DDX21: variants seen among roughly 807,000 people sequenced by gnomAD.
The protein encoded by DDX21 is nucleolar RNA helicase 2.
In DDX21, 18 loss-of-function variants were observed where a neutral mutation model predicts 90.0. The observed-to-expected ratio is 0.20, with a 90% CI of 0.14 to 0.30. The LOEUF is 0.30. DDX21 is among the 10% of genes least tolerant of loss of function. The pLI, the probability that DDX21 is intolerant of heterozygous loss-of-function variation, is 1.00. For missense variants in DDX21, 673 were observed against 944.5 expected, an observed-to-expected ratio of 0.71 and a Z score of 3.77; for synonymous variants, 294 against 318.0, an observed-to-expected ratio of 0.92 and a Z score of 0.80.
chr10:68,956,199 G>A lies in DDX21; in HGVS notation c.-27G>A, dbSNP rs756218251. On this transcript the variant is annotated 5_prime_UTR_variant, in exon 1 of 15. Coordinates refer to ENST00000354185, the MANE Select transcript of DDX21 (RefSeq NM_004728.4). ...TCCTCTCCACGCGGTTGAGAAGACC[G>A]GTCGGCCTGGGCAACCTGCGCTGAA... 3 of 1,612,090 alleles carry A rather than the reference G, an allele frequency of 1.9e-6. No homozygotes were observed. Among genetic ancestry groups the A allele is most frequent in the Non-Finnish European group, 2.5e-6 (3 of 1,178,804 alleles).
rs780232916 is a variant in DDX21 at position 68,969,044 on chromosome 10, A to C, written c.1159A>C (p.Lys387Gln). 1 of 1,614,140 alleles carries C rather than the reference A, an allele frequency of 6.2e-7. No individual in the cohort carries two copies. The highest frequency in any genetic ancestry group is 2.2e-5 in the East Asian group (1 of 44,874). ...TCPHWVFNVA[K>Q]KYMKSTYEQV... Reference sequence around the variant, plus strand: ...CCCTCATTGGGTATTTAATGTTGCCAAGAAATACATGAAATCTACATATGA... The same window carrying C: ...CCCTCATTGGGTATTTAATGTTGCCCAGAAATACATGAAATCTACATATGA... The change falls in exon 7 of 15, where the codon AAG becomes CAG. Residue 387 changes from lysine to glutamine, a missense_variant. Lys to Gln is a moderately conservative substitution (Grantham distance 53). This residue lies in a region of DDX21 where 218 missense variants were observed against 347.3 expected (regional missense o/e 0.63). Transcript: ENST00000354185.
intron 8 of DDX21, among the ~76,000 whole-genome samples, chr10:68,970,955 ATTTTTTTTTTTT>A (rs56314802): frequency 1.7e-4 from 12 of 72,554 alleles, no homozygotes; most frequent in South Asian, 6.1e-4. Flanking sequence ...GCCCAGCCTA[ATTTTTTTTTTTT>A]TTTTTTTTTT....
rs575945215 is a variant in DDX21 at position 68,972,491 on chromosome 10, T to G, written c.1548+439T>G. 1.8e-3 allele frequency among the ~76,000 whole-genome samples: 275 copies of G among 152,318 alleles called. 1 individual carries two copies. Among genetic ancestry groups the G allele is most frequent in the African/African-American group, 6.4e-3 (266 of 41,550 alleles). The stretch of plus-strand genomic sequence containing the variant: ...ATAGTTTACTTGATGTGGATAGTTC[T>G]TCACGTAAATAAAGGTTGTTCCAAA... On this transcript the variant is annotated intron_variant, in intron 9 of 14. Coordinates refer to ENST00000354185, the MANE Select transcript of DDX21 (RefSeq NM_004728.4).
rs1158625782 is a variant in DDX21, at chr10:68,973,525, C to A, written c.1549-20C>A. The A allele has an allele frequency of 6.2e-7, 1 of 1,613,548 alleles. No homozygotes were observed. The highest frequency in any genetic ancestry group is 1.3e-5 in the African/African-American group (1 of 74,880). Reference sequence around the variant, plus strand: ...CTCTCTTTTTTGGTTTAGTGTTACTCATGTATTTTACTTCAATAGGATGTA... The same window carrying A: ...CTCTCTTTTTTGGTTTAGTGTTACTAATGTATTTTACTTCAATAGGATGTA... On this transcript the variant is annotated intron_variant, in intron 9 of 14. Coordinates refer to ENST00000354185, the MANE Select transcript of DDX21 (RefSeq NM_004728.4).
intron 13 of DDX21, among the ~76,000 whole-genome samples, 162 bp from the exon 14 acceptor site, chr10:68,981,375 A>G (rs1843188723): frequency 6.6e-6 from 1 of 152,194 alleles, no homozygotes; most frequent in Non-Finnish European, 1.5e-5. Context: ...TTTGGCAGCT[A>G]TAATGTATTA....
At chr10:68,971,755 C>T (rs764738597) in intron 8 of DDX21, 136 bp from the exon 9 acceptor site, 25 of 759,790 alleles carry the variant, frequency 3.3e-5, no homozygotes, top group Admixed American at 1.6e-4. Context: ...CCATTCAAGA[C>T]ACATTTTCCC....
chr10:68,976,216 G>T (rs1335787922), intron 11 of DDX21, among the ~76,000 whole-genome samples: 1 of 150,200 alleles, frequency 6.7e-6, no homozygotes, highest in African/African-American at 2.5e-5. Context: ...GGCAGAGTGA[G>T]ACTATCTCAA....
intron 4 of DDX21, 77 bp downstream of exon 4, chr10:68,963,546 AT>A: frequency 7.3e-7 from 1 of 1,364,510 alleles, no homozygotes; most frequent in Non-Finnish European, 9.9e-7. Flanking sequence ...ATACCCTACT[AT>A]TTTTTATTGA....
intron 4 of DDX21, chr10:68,964,015 G>T: frequency 3.6e-6 from 1 of 280,434 alleles, no homozygotes; most frequent in Non-Finnish European, 7.1e-6. Flanking sequence ...CAGGAGAATG[G>T]CGTGAATCCA....
rs750726882 is a variant in DDX21 at position 68,964,101 on chromosome 10, G to GAAAAAA, written c.786+646_786+651dup. ...GCGATAGAGCAAGACTCCGTCTCAA[G>GAAAAAA]AAAAAAAAAAAAAAAAAAAGAAAAG... On this transcript the variant is annotated intron_variant, in intron 4 of 14. Coordinates refer to ENST00000354185, the MANE Select transcript of DDX21 (RefSeq NM_004728.4). 1,481 of 236,274 alleles carry GAAAAAA rather than the reference G, an allele frequency of 6.3e-3. 9 individuals are homozygous for GAAAAAA. The highest frequency in any genetic ancestry group is 0.011 in the South Asian group (405 of 37,642). The allele number at this position is 236,274 out of a possible 1,614,324, so 14.6% of individuals were successfully genotyped here. A position where few individuals can be genotyped will look rare whatever the true frequency, so the allele number is the denominator to read the frequency against.
intron 9 of DDX21, among the ~76,000 whole-genome samples, chr10:68,972,833 A>G (rs1843046178): frequency 6.6e-6 from 1 of 152,188 alleles, no homozygotes; most frequent in Admixed American, 6.5e-5. Context: ...CTTACGAAAA[A>G]ATACAAAATA....
chr10:68,964,788 G>T (rs1458310003), intron 4 of DDX21, among the ~76,000 whole-genome samples: 1 of 149,988 alleles, frequency 6.7e-6, no homozygotes, highest in East Asian at 2.0e-4. Context: ...CAAGTAGTTG[G>T]GATTACAAGT....
At chr10:68,981,020 A>C (rs973465387) in intron 13 of DDX21, among the ~76,000 whole-genome samples, 7 of 152,202 alleles carry the variant, frequency 4.6e-5, no homozygotes, top group African/African-American at 1.7e-4. Flanking sequence ...GGCTGAATTA[A>C]GAAAAACCAG....
In DDX21 at chr10:68,982,943, C is replaced by A; in HGVS notation, c.*131C>A. The A allele has an allele frequency of 9.3e-7, 1 of 1,075,510 alleles. No homozygotes were observed. The highest frequency in any genetic ancestry group is 1.3e-6 in the Non-Finnish European group (1 of 757,484). 66.6% of individuals were successfully genotyped at this position (1,075,510 alleles called of 1,614,324 possible). A position where few individuals can be genotyped will look rare whatever the true frequency, so the allele number is the denominator to read the frequency against. Reference sequence around the variant, plus strand: ...CCACTTGCCAAGTCCCTGTCTCTTTCAGACACAGACAAGCTTCATTTAAAT... The same window carrying A: ...CCACTTGCCAAGTCCCTGTCTCTTTAAGACACAGACAAGCTTCATTTAAAT... On this transcript the variant is annotated 3_prime_UTR_variant, in exon 15 of 15. Transcript: ENST00000354185.
At chr10:68,977,779 A>T in intron 12 of DDX21, 91 bp downstream of exon 12, 4 of 1,336,628 alleles carry the variant, frequency 3.0e-6, no homozygotes, top group Non-Finnish European at 4.0e-6. Flanking sequence ...AGTTGTTTTC[A>T]TTTTCTCATG....
At chr10:68,967,834 A>G (rs1842960373) in intron 6 of DDX21, among the ~76,000 whole-genome samples, 1 of 152,172 alleles carries the variant, frequency 6.6e-6, no homozygotes, top group African/African-American at 2.4e-5. Context: ...TTTATTCAAT[A>G]TAAATAGTTC....
intron 9 of DDX21, 128 bp from the exon 10 acceptor site, chr10:68,973,417 A>G: frequency 8.6e-7 from 1 of 1,157,808 alleles, no homozygotes; most frequent in East Asian, 2.5e-5. Flanking sequence ...TGAAGTGCTA[A>G]GGGACCTTCT....
At position 68,956,268 on chromosome 10, in the gene DDX21, A is replaced by T; in HGVS notation, c.43A>T (p.Thr15Ser). The T allele has an allele frequency of 6.2e-7, 1 of 1,614,136 alleles. No homozygotes were observed. Among genetic ancestry groups the T allele is most frequent in the Non-Finnish European group, 8.5e-7 (1 of 1,180,014 alleles). ...TAGTGACGCTGGTTTGGAATCAGAC[A>T]CCGCAATGAAAAAAGGGGAGACACT... ...LRSDAGLESD[T>S]AMKKGETLRK... The change falls in exon 1 of 15, where the codon ACC becomes TCC. Residue 15 changes from threonine to serine, a missense_variant. By Grantham distance (58) the Thr-to-Ser change is moderately conservative. This residue lies in a region of DDX21 where 204 missense variants were observed against 221.6 expected (regional missense o/e 0.92). Coordinates refer to ENST00000354185, the MANE Select transcript of DDX21 (RefSeq NM_004728.4).
At chr10:68,970,083 A>T in intron 7 of DDX21, 118 bp from the exon 8 acceptor site, 3 of 949,964 alleles carry the variant, frequency 3.2e-6, no homozygotes, top group African/African-American at 1.7e-5. Flanking sequence ...AGGCTTGAGT[A>T]GTTGTTTCCA....
Sources: gnomAD v4.1 joint callset for allele counts (sites outside exome capture counted in the v4.1 genomes callset) on GRCh38, gnomAD v4.1.1 for gene constraint, gnomAD v4.1.1 regional missense constraint, MANE v1.5 for transcripts, NCBI Gene and HGNC (gene_info 2026-07-23, HGNC 2026-07-21) for gene names.